The following MAPRE1 variants were observed in gnomAD, a reference collection of about 807,000 sequenced individuals.
MAPRE1 encodes the protein microtubule associated protein RP/EB family member 1.
In MAPRE1, 5 loss-of-function variants were observed where a neutral mutation model predicts 32.1. That is an observed-to-expected ratio of 0.16 (90% CI 0.08 to 0.33). The LOEUF (loss-of-function observed/expected upper bound fraction) is 0.33. Ranked by LOEUF, MAPRE1 falls within the 10% of genes least tolerant of loss-of-function variation. The probability of loss-of-function intolerance (pLI) is 1.00; values close to 1 mark genes in which losing one functional copy is unlikely to be tolerated. For missense variants in MAPRE1, 209 were observed against 327.2 expected, an observed-to-expected ratio of 0.64 and a Z score of 2.79; for synonymous variants, 122 against 118.9, an observed-to-expected ratio of 1.03 and a Z score of -0.17.
intron 5 of MAPRE1, among the ~76,000 whole-genome samples, chr20:32,845,877 G>T (rs1484267477): frequency 2.6e-5 from 4 of 152,186 alleles, no homozygotes; most frequent in African/African-American, 9.7e-5. Context: ...GTCGTTCTCA[G>T]TGGCTGTACC....
At chr20:32,831,387 A>G (rs1015107203) in intron 2 of MAPRE1, among the ~76,000 whole-genome samples, 22 of 152,314 alleles carry the variant, frequency 1.4e-4, no homozygotes, top group African/African-American at 4.6e-4. Flanking sequence ...GAAATAGGGA[A>G]ATAAATAAGA....
chr20:32,828,239 C>G (rs528294456), intron 2 of MAPRE1, among the ~76,000 whole-genome samples: 37 of 152,240 alleles, frequency 2.4e-4, no homozygotes, highest in African/African-American at 8.4e-4. Flanking sequence ...TTCCCTATCC[C>G]CATTTGTGTG....
chr20:32,834,466 G>C (rs1983129339), intron 3 of MAPRE1, among the ~76,000 whole-genome samples: 1 of 151,520 alleles, frequency 6.6e-6, no homozygotes, highest in African/African-American at 2.4e-5. Flanking sequence ...CTCTGTTTTA[G>C]TAGATAATAG....
intron 3 of MAPRE1, among the ~76,000 whole-genome samples, chr20:32,835,903 G>A (rs1983188555): frequency 6.6e-6 from 1 of 151,946 alleles, no homozygotes; most frequent in African/African-American, 2.4e-5. Context: ...ACCACGCCCG[G>A]CCCAGAATTT....
intron 6 of MAPRE1, among the ~76,000 whole-genome samples, chr20:32,847,327 GT>G (rs1434686264): frequency 6.6e-6 from 1 of 152,166 alleles, no homozygotes; most frequent in East Asian, 1.9e-4. Flanking sequence ...ATCACGACAT[GT>G]TAGTTGATCA....
intron 6 of MAPRE1, 41 bp downstream of exon 6, chr20:32,846,811 T>C (rs1264084289): frequency 1.2e-6 from 2 of 1,602,456 alleles, no homozygotes; most frequent in Admixed American, 3.3e-5. Flanking sequence ...CCATTTTACA[T>C]AGAAGGGTTG....
intron 6 of MAPRE1, among the ~76,000 whole-genome samples, chr20:32,847,112 G>C (rs1412884970): frequency 6.6e-6 from 1 of 152,184 alleles, no homozygotes; most frequent in African/African-American, 2.4e-5. Context: ...TTCAGTTGCT[G>C]CCTCCATTTT....
intron 1 of MAPRE1, among the ~76,000 whole-genome samples, chr20:32,820,496 C>G (rs747698081): frequency 6.6e-6 from 1 of 152,064 alleles, no homozygotes; most frequent in African/African-American, 2.4e-5. Flanking sequence ...GCTTTAACCG[C>G]TGTGGATCTC....
chr20:32,841,509 A>G (rs1041064443), intron 5 of MAPRE1, among the ~76,000 whole-genome samples: 5 of 151,332 alleles, frequency 3.3e-5, no homozygotes, highest in African/African-American at 1.2e-4. Context: ...GTACATGTGT[A>G]CAACGTGCAG....
chr20:32,824,340 G>T (rs1015539983), intron 1 of MAPRE1, among the ~76,000 whole-genome samples: 5 of 152,230 alleles, frequency 3.3e-5, no homozygotes, highest in African/African-American at 1.2e-4. Flanking sequence ...ACTCATTGCT[G>T]TGTGTTTATT....
At chr20:32,824,684 T>G (rs990497728) in intron 1 of MAPRE1, among the ~76,000 whole-genome samples, 1 of 151,364 alleles carries the variant, frequency 6.6e-6, no homozygotes, top group Non-Finnish European at 1.5e-5. Flanking sequence ...ATTTATAGTT[T>G]TTTTTTTTTT....
chr20:32,835,001 G>T (rs1265887175), intron 3 of MAPRE1, among the ~76,000 whole-genome samples: 1 of 152,124 alleles, frequency 6.6e-6, no homozygotes, highest in Admixed American at 6.5e-5. Context: ...TTTGTCAGAG[G>T]GGTGGATATA....
At chr20:32,821,688 A>G (rs1235506678) in intron 1 of MAPRE1, among the ~76,000 whole-genome samples, 4 of 152,240 alleles carry the variant, frequency 2.6e-5, no homozygotes. Flanking sequence ...CCACGGTCAC[A>G]TAGGTCCTTT....
At chr20:32,831,158 T>C (rs1983010163) in intron 2 of MAPRE1, among the ~76,000 whole-genome samples, 1 of 151,940 alleles carries the variant, frequency 6.6e-6, no homozygotes, top group African/African-American at 2.4e-5. Flanking sequence ...TTAAAAAAAA[T>C]TAAAGGCCAG....
At chr20:32,833,673 C>G in intron 2 of MAPRE1, 44 bp from the exon 3 acceptor site, 1 of 1,572,502 alleles carries the variant, frequency 6.4e-7, no homozygotes, top group African/African-American at 1.4e-5. Flanking sequence ...AGAAGTTCAC[C>G]CTGCTTCTTT....
chr20:32,846,052 T>C (rs923941145), intron 5 of MAPRE1, among the ~76,000 whole-genome samples: 1 of 152,214 alleles, frequency 6.6e-6, no homozygotes, highest in African/African-American at 2.4e-5. Flanking sequence ...CACACAGGAC[T>C]ATGAGTGTTA....
At chr20:32,844,468 T>C (rs1375418601) in intron 5 of MAPRE1, among the ~76,000 whole-genome samples, 3 of 140,398 alleles carry the variant, frequency 2.1e-5, no homozygotes, top group African/African-American at 8.4e-5. Context: ...TTTTTTTTTT[T>C]TTGTGGCGTG....
chr20:32,826,280 G>A (rs1262767048), intron 2 of MAPRE1, among the ~76,000 whole-genome samples: 5 of 142,488 alleles, frequency 3.5e-5, no homozygotes, highest in South Asian at 2.2e-4. Flanking sequence ...GCAGTGGCGC[G>A]ATCTCGGCTC....
rs1983589014 is a variant in MAPRE1 at position 32,849,402 on chromosome 20, G to A, written c.*674G>A. The A allele has an allele frequency of 6.6e-6, 1 of 152,174 alleles. No homozygotes were observed. Among genetic ancestry groups the A allele is most frequent in the South Asian group, 2.1e-4 (1 of 4,826 alleles). The allele number at this position is 152,174 out of a possible 1,614,324, so 9.4% of individuals were successfully genotyped here. A position where few individuals can be genotyped will look rare whatever the true frequency, so the allele number is the denominator to read the frequency against. ...GAGGCATCGTTGCCTGGATAATAGA[G>A]GATGTGTTTCAGCCCTGAGATGTTA... On this transcript the variant is annotated 3_prime_UTR_variant, in exon 7 of 7. Coordinates refer to ENST00000375571, the MANE Select transcript of MAPRE1 (RefSeq NM_012325.3).
Sources: gnomAD v4.1 joint callset for allele counts (sites outside exome capture counted in the v4.1 genomes callset) on GRCh38, gnomAD v4.1.1 for gene constraint, MANE v1.5 for transcripts, NCBI Gene and HGNC (gene_info 2026-07-23, HGNC 2026-07-21) for gene names.